The following KRT80 variants were observed in gnomAD, a reference collection of about 807,000 sequenced individuals.
KRT80 encodes the protein keratin 80, also known as keratin, type II cytoskeletal 80.
KRT80 carries 36 observed loss-of-function variants against 51.5 expected under a neutral mutation model. That is an observed-to-expected ratio of 0.70 (90% confidence interval 0.54 to 0.92). The LOEUF (loss-of-function observed/expected upper bound fraction) is 0.92. Ranked by LOEUF, KRT80 falls within the 40% of genes least tolerant of loss-of-function variation. The probability of loss-of-function intolerance (pLI) is 0.00; values close to 1 mark genes in which losing one functional copy is unlikely to be tolerated. For missense variants in KRT80, 566 were observed against 591.7 expected (o/e 0.96, Z 0.45); for synonymous variants, 235 against 248.3 (o/e 0.95, Z 0.50).
At chr12:52,173,014 C>T (rs759479637) in intron 6 of KRT80, 24 bp downstream of exon 6, 1 of 1,593,992 alleles carries the variant, frequency 6.3e-7, no homozygotes, top group Non-Finnish European at 8.6e-7. Flanking sequence ...TCCCCGCCCC[C>T]AGGCGCGTCC....
chr12:52,179,613 C>G (rs11836474), intron 4 of KRT80, among the ~76,000 whole-genome samples: 40 of 152,346 alleles, frequency 2.6e-4, no homozygotes, highest in African/African-American at 8.9e-4. Flanking sequence ...CAGGATGCAG[C>G]CATGAAGCTG....
rs886882597 is a variant in KRT80 at position 52,169,848 on chromosome 12, A to G, written c.*1550T>C. On this transcript the variant is annotated 3_prime_UTR_variant, in exon 9 of 9. Coordinates refer to ENST00000394815, the MANE Select transcript of KRT80 (RefSeq NM_182507.3). ...AGAATCTCTGAGTTCCCATGGCCAGAGAGTCAGTAACCCTCCAGTGCTCCC... is the reference window on the plus strand; with the variant it reads ...AGAATCTCTGAGTTCCCATGGCCAGGGAGTCAGTAACCCTCCAGTGCTCCC... 1.3e-5 allele frequency: 2 copies of G among 152,250 alleles called. No individual in the cohort carries two copies. Among genetic ancestry groups the G allele is most frequent in the African/African-American group, 4.8e-5 (2 of 41,454 alleles). 9.4% of individuals were successfully genotyped at this position (152,250 alleles called of 1,614,324 possible).
Position 52,191,999 on chromosome 12 carries a change from G to T in KRT80, c.-97C>A. 1 of 1,146,176 alleles carries T rather than the reference G, an allele frequency of 8.7e-7. No individual in the cohort carries two copies. The highest frequency in any genetic ancestry group is 1.2e-6 in the Non-Finnish European group (1 of 841,382). The allele number at this position is 1,146,176 out of a possible 1,614,324, so 71.0% of individuals were successfully genotyped here. A position where few individuals can be genotyped will look rare whatever the true frequency, so the allele number is the denominator to read the frequency against. ...GCTCTGGTTGCTCTGGTCACAGCTG[G>T]GGCGGGCTGGGGACTGAGGAGCAGA... is the stretch of plus-strand genomic sequence containing the variant. On this transcript the variant is annotated 5_prime_UTR_variant, in exon 1 of 9. Coordinates refer to ENST00000394815, the MANE Select transcript of KRT80 (RefSeq NM_182507.3).
intron 3 of KRT80, 136 bp downstream of exon 3, chr12:52,180,767 C>T: frequency 1.3e-6 from 2 of 1,584,798 alleles, no homozygotes; most frequent in Non-Finnish European, 1.7e-6. Flanking sequence ...GGGGGTATCT[C>T]CCTGTCTGTC....
chr12:52,178,259 T>G (rs10876240), intron 4 of KRT80, among the ~76,000 whole-genome samples: 104,684 of 152,054 alleles, frequency 0.69, 36,239 homozygotes, highest in East Asian at 0.75. Flanking sequence ...AACCCGCTGT[T>G]TGCCACCCCG....
Position 52,171,093 on chromosome 12 carries a change from C to T in KRT80, c.*305G>A, listed in dbSNP as rs527615142. 2.7e-5 allele frequency: 6 copies of T among 223,536 alleles called. No individual in the cohort carries two copies. Among genetic ancestry groups the T allele is most frequent in the South Asian group, 1.1e-4 (1 of 9,302 alleles). The allele number at this position is 223,536 out of a possible 1,614,324, so 13.8% of individuals were successfully genotyped here. ...TGCTGGAGGAGGAGCCTCAGAGGAG[C>T]GAGGAGGTGGAGACAAAACTGACCC... is the stretch of plus-strand genomic sequence containing the variant. On this transcript the variant is annotated 3_prime_UTR_variant, in exon 9 of 9. Transcript: ENST00000394815.
In KRT80 at chr12:52,182,859, C is replaced by T. The variant is rs147230105; in HGVS notation, c.510-1896G>A. Reference sequence around the variant, plus strand: ...AGCCCTGAGCCCCAGGGGAGAGGACCGAGGGGAACGCTGGGCTGCGGCTGG... The same window carrying T: ...AGCCCTGAGCCCCAGGGGAGAGGACTGAGGGGAACGCTGGGCTGCGGCTGG... On this transcript the variant is annotated intron_variant, in intron 2 of 8. Coordinates refer to ENST00000394815, the MANE Select transcript of KRT80 (RefSeq NM_182507.3). Among the ~76,000 whole-genome samples the T allele has an allele frequency of 2.5e-3, 384 of 152,232 alleles. 3 individuals carry two copies. Among genetic ancestry groups the T allele is most frequent in the Non-Finnish European group, 3.4e-3 (234 of 67,994 alleles).
At chr12:52,180,867 G>A (rs758085343) in intron 3 of KRT80, 36 bp downstream of exon 3, 21 of 1,610,174 alleles carry the variant, frequency 1.3e-5, no homozygotes, top group Non-Finnish European at 1.8e-5. Context: ...CAGGGCCCAT[G>A]AGGAAGGAGC....
intron 4 of KRT80, among the ~76,000 whole-genome samples, chr12:52,175,644 G>T (rs185963855): frequency 3.3e-5 from 5 of 151,990 alleles, no homozygotes; most frequent in Non-Finnish European, 7.4e-5. Context: ...GCGGGCATTC[G>T]GAAGCCCCTC....
chr12:52,191,558 A>G lies in KRT80; in HGVS notation c.300+45T>C, dbSNP rs762363369. 1.1e-5 allele frequency: 17 copies of G among 1,517,744 alleles called. No homozygotes were observed. The African/African-American group carries it at 1.4e-4, about 12-fold the overall frequency. 94.0% of individuals were successfully genotyped at this position (1,517,744 alleles called of 1,614,324 possible). ...AAACACAGAGCTCAGCTACCGGCCC[A>G]GGCCTGGCAGCCCTTCATGTTTGGG... On this transcript the variant is annotated intron_variant, in intron 1 of 8. Coordinates refer to ENST00000394815, the MANE Select transcript of KRT80 (RefSeq NM_182507.3).
chr12:52,171,327 G>T lies in KRT80; in HGVS notation c.*71C>A. The T allele has an allele frequency of 6.9e-7, 1 of 1,453,090 alleles. No individual in the cohort carries two copies. Among genetic ancestry groups the T allele is most frequent in the Non-Finnish European group, 9.3e-7 (1 of 1,076,802 alleles). The allele number at this position is 1,453,090 out of a possible 1,614,324, so 90.0% of individuals were successfully genotyped here. A position where few individuals can be genotyped will look rare whatever the true frequency, so the allele number is the denominator to read the frequency against. ...CTTCTCAACCTAGAGGCTCCAAGCT[G>T]CTTTCTTGAGTCTAGCTTAAGTCCC... On this transcript the variant is annotated 3_prime_UTR_variant, in exon 9 of 9. Coordinates refer to ENST00000394815, the MANE Select transcript of KRT80 (RefSeq NM_182507.3).
intron 1 of KRT80, among the ~76,000 whole-genome samples, chr12:52,188,532 C>T (rs765277136): frequency 6.6e-6 from 1 of 152,374 alleles, no homozygotes; most frequent in Non-Finnish European, 1.5e-5. Context: ...AATCCCCGGC[C>T]TTCAGCCAGA....
intron 1 of KRT80, 190 bp from the exon 2 acceptor site, chr12:52,185,777 A>G: frequency 7.8e-7 from 1 of 1,288,300 alleles, no homozygotes; most frequent in Admixed American, 2.3e-5. Flanking sequence ...ATGGTGAGAT[A>G]AGGACAGGAT....
chr12:52,190,978 G>T (rs567272047), intron 1 of KRT80, among the ~76,000 whole-genome samples: 1 of 152,090 alleles, frequency 6.6e-6, no homozygotes, highest in African/African-American at 2.4e-5. Context: ...CAGGAGGGGC[G>T]CAGGGTGCAG....
chr12:52,171,827 C>A, intron 7 of KRT80, 114 bp from the exon 8 acceptor site: 1 of 746,528 alleles, frequency 1.3e-6, no homozygotes, highest in Non-Finnish European at 2.2e-6. Flanking sequence ...GTGGTCACTC[C>A]CAGCCCTGGG....
At chr12:52,178,891 C>T (rs1941276596) in intron 4 of KRT80, among the ~76,000 whole-genome samples, 1 of 151,888 alleles carries the variant, frequency 6.6e-6, no homozygotes, top group Non-Finnish European at 1.5e-5. Context: ...AAAAACAAGG[C>T]CAAGTTGGGA....
intron 1 of KRT80, among the ~76,000 whole-genome samples, chr12:52,189,674 C>T (rs557295596): frequency 1.3e-5 from 2 of 152,330 alleles, no homozygotes; most frequent in South Asian, 2.1e-4. Flanking sequence ...GAAGGGTCAG[C>T]TGGGGCCCCT....
At chr12:52,181,871 C>T (rs1031921106) in intron 2 of KRT80, among the ~76,000 whole-genome samples, 5 of 152,208 alleles carry the variant, frequency 3.3e-5, no homozygotes, top group African/African-American at 1.2e-4. Context: ...GATTCAGCAG[C>T]TTCTGTTTTT....
In KRT80 at chr12:52,180,524, T is replaced by A. The variant is rs537001249; in HGVS notation, c.655A>T (p.Ile219Phe). ...CCCATCTCACTCACCTGCTCATAGATGGTTTTCATCAACTCCACGAAGCTC... is the reference window on the plus strand; with the variant it reads ...CCCATCTCACTCACCTGCTCATAGAAGGTTTTCATCAACTCCACGAAGCTC... The part of the protein sequence containing the change: ...LESFVELMKT[I>F]YEQELKDLAA... Residue 219 changes from isoleucine to phenylalanine, a missense_variant, in exon 4 of 9, where the codon ATC (isoleucine) becomes TTC (phenylalanine). Transcript: ENST00000394815. 3 of 1,463,788 alleles carry A rather than the reference T, an allele frequency of 2.0e-6. No homozygotes were observed. In the South Asian group the frequency reaches 4.8e-5, roughly 23 times the overall value. 90.7% of individuals were successfully genotyped at this position (1,463,788 alleles called of 1,614,324 possible). A position where few individuals can be genotyped will look rare whatever the true frequency, so the allele number is the denominator to read the frequency against.
Sources: allele counts gnomAD v4.1 joint callset (sites outside exome capture counted in the v4.1 genomes callset), GRCh38; gene constraint gnomAD v4.1.1; transcripts MANE v1.5; gene names NCBI Gene and HGNC (gene_info 2026-07-23, HGNC 2026-07-21).